RAB33A: variants seen among roughly 807,000 people sequenced by gnomAD.
RAB33A encodes ras-related protein Rab-33A.
In RAB33A, 6 loss-of-function variants were observed where a neutral mutation model predicts 12.0. The observed-to-expected ratio is 0.50, with a 90% CI of 0.27 to 0.99. RAB33A has a LOEUF of 0.99. Ranked by LOEUF, RAB33A falls within the 50% of genes least tolerant of loss-of-function variation. RAB33A has a pLI of 0.11. For missense variants in RAB33A, 109 were observed against 192.0 expected (o/e 0.57, Z 2.55); for synonymous variants, 70 against 82.4 (o/e 0.85, Z 0.81).
the RAB33A span, among the ~76,000 whole-genome samples, chrX:130,141,549 G>A: frequency 8.9e-6 from 1 of 111,867 alleles, no homozygotes; most frequent in Admixed American, 9.5e-5. Context: ...GAGGCTGTTC[G>A]TTCCCCCACA....
At chrX:130,150,873 G>T in the RAB33A span, among the ~76,000 whole-genome samples, 21 of 99,984 alleles carry the variant, frequency 2.1e-4, no homozygotes, top group Non-Finnish European at 3.2e-4. Context: ...TACTTGGGAG[G>T]TTGAGGCATG....
At chrX:130,161,074 TTTCC>T in the RAB33A span, among the ~76,000 whole-genome samples, 5 of 111,394 alleles carry the variant, frequency 4.5e-5, no homozygotes, top group Middle Eastern at 4.6e-3. Flanking sequence ...GGTTTTGTGA[TTTCC>T]TGTTTTTCCA....
At chrX:130,172,451 T>A (rs973409521) in intron 1 of RAB33A, 131 bp downstream of exon 1, 5 of 864,159 alleles carry the variant, frequency 5.8e-6, no homozygotes, top group Middle Eastern at 4.3e-4. Flanking sequence ...CCGAGGACCC[T>A]CGGCTCCTCC....
the RAB33A span, among the ~76,000 whole-genome samples, chrX:130,113,077 C>CTTTTTTTTTTTTTTTTT: frequency 2.3e-4 from 11 of 46,996 alleles, no homozygotes; most frequent in Admixed American, 6.1e-4. Context: ...TTTTTTCCTT[C>CTTTTTTTTTTTTTTTTT]TTTTTTTTTT....
chrX:130,158,432 G>A, the RAB33A span, among the ~76,000 whole-genome samples: 1 of 111,178 alleles, frequency 9.0e-6, no homozygotes, highest in East Asian at 2.8e-4. Context: ...CCAATGCCCT[G>A]AAGGTTTTAT....
the RAB33A span, chrX:130,165,773 A>ACTC: frequency 3.2e-6 from 2 of 621,750 alleles, no homozygotes; most frequent in Non-Finnish European, 2.7e-6. Context: ...CATTACGCAG[A>ACTC]CTCCTCCTCC....
At chrX:130,177,735 C>T (rs2031677008) in intron 1 of RAB33A, among the ~76,000 whole-genome samples, 1 of 111,208 alleles carries the variant, frequency 9.0e-6, no homozygotes, top group Non-Finnish European at 1.9e-5. Flanking sequence ...TCTAAGGACA[C>T]CTAACAAGTC....
At chrX:130,119,343 T>C in the RAB33A span, among the ~76,000 whole-genome samples, 1 of 111,792 alleles carries the variant, frequency 8.9e-6, no homozygotes, top group Non-Finnish European at 1.9e-5. Context: ...CGTGACCCCA[T>C]TAGCTCCCAT....
the RAB33A span, among the ~76,000 whole-genome samples, chrX:130,164,345 C>T: frequency 0.011 from 1,244 of 112,416 alleles, 8 homozygotes; most frequent in African/African-American, 0.038. Context: ...AACTCAAATA[C>T]ACCTATCAGG....
chrX:130,136,504 G>A, the RAB33A span: 1 of 603,916 alleles, frequency 1.7e-6, no homozygotes, highest in Non-Finnish European at 2.8e-6. Flanking sequence ...TGGAGGGATG[G>A]TTAATTCGGA....
At chrX:130,136,523 T>A in the RAB33A span, 14 of 658,937 alleles carry the variant, frequency 2.1e-5, no homozygotes, top group Non-Finnish European at 3.4e-5. Flanking sequence ...GAAAATTATA[T>A]CAGGTTAATG....
chrX:130,178,572 A>G (rs1261024375), intron 1 of RAB33A, among the ~76,000 whole-genome samples: 1 of 109,392 alleles, frequency 9.1e-6, no homozygotes, highest in Admixed American at 9.6e-5. Flanking sequence ...TGAGGCTGCA[A>G]TGAGCCGAGA....
chrX:130,137,427 G>A, the RAB33A span: 1 of 1,163,587 alleles, frequency 8.6e-7, no homozygotes, highest in African/African-American at 1.8e-5. Context: ...GGTGAACTCT[G>A]TGCACTTCCA....
chrX:130,150,356 G>A, the RAB33A span, among the ~76,000 whole-genome samples: 2 of 53,885 alleles, frequency 3.7e-5, no homozygotes, highest in African/African-American at 1.6e-4. Context: ...TTTTTTTTGA[G>A]ACGGAGTCTC....
chrX:130,139,558 AG>A, the RAB33A span, among the ~76,000 whole-genome samples: 2 of 111,430 alleles, frequency 1.8e-5, no homozygotes, highest in African/African-American at 6.5e-5. Context: ...AGCAATCAGA[AG>A]GATCTATTGC....
At chrX:130,127,063 G>T in the RAB33A span, among the ~76,000 whole-genome samples, 1 of 111,495 alleles carries the variant, frequency 9.0e-6, no homozygotes, top group African/African-American at 3.3e-5. Context: ...GTGTGTGTGT[G>T]TATGTCCATA....
the RAB33A span, chrX:130,137,162 T>C: frequency 8.3e-7 from 1 of 1,209,464 alleles, no homozygotes; most frequent in African/African-American, 1.8e-5. Context: ...AAGAGTTGAA[T>C]CACTTCTGTG....
At chrX:130,131,456 C>T in the RAB33A span, among the ~76,000 whole-genome samples, 2 of 112,307 alleles carry the variant, frequency 1.8e-5, no homozygotes, top group Non-Finnish European at 3.8e-5. Context: ...GGACAGATAC[C>T]CACAATATTT....
At chrX:130,116,632 C>G in the RAB33A span, among the ~76,000 whole-genome samples, 3 of 112,395 alleles carry the variant, frequency 2.7e-5, no homozygotes, top group Non-Finnish European at 5.6e-5. Flanking sequence ...TTCTTCCTCC[C>G]TCTCCTCACT....
Sources: allele counts gnomAD v4.1 joint callset (sites outside exome capture counted in the v4.1 genomes callset), GRCh38; gene constraint gnomAD v4.1.1; transcripts MANE v1.5; gene names NCBI Gene and HGNC (gene_info 2026-07-23, HGNC 2026-07-21).